The following MARCHF6 variants were observed in gnomAD, a reference collection of about 807,000 sequenced individuals.
MARCHF6 encodes membrane associated ring-CH-type finger 6.
MARCHF6 carries 31 observed loss-of-function variants against 133.7 expected under a neutral mutation model. The observed-to-expected ratio is 0.23, with a 90% CI of 0.17 to 0.31. The LOEUF (loss-of-function observed/expected upper bound fraction) is 0.31, where lower values mean the gene tolerates loss of function less well. Among genes scored for constraint, MARCHF6 ranks in the 10% least tolerant of loss-of-function variants. MARCHF6 has a pLI of 1.00. For synonymous variants in MARCHF6, 395 were observed against 402.5 expected (o/e 0.98, Z 0.22); for missense variants, 723 against 1,121.6 (o/e 0.64, Z 5.08).
chr5:10,400,071 A>T (rs576623808), intron 10 of MARCHF6, among the ~76,000 whole-genome samples: 1 of 152,316 alleles, frequency 6.6e-6, no homozygotes, highest in East Asian at 1.9e-4. Flanking sequence ...AGGAGCTGAG[A>T]TACATGATGT....
intron 1 of MARCHF6, among the ~76,000 whole-genome samples, chr5:10,370,303 A>G (rs990811749): frequency 2.0e-5 from 3 of 151,492 alleles, no homozygotes; most frequent in Admixed American, 1.3e-4. Flanking sequence ...GGGTCTCCCT[A>G]TGTTCCCCAG....
chr5:10,377,362 T>C (rs768702886), intron 1 of MARCHF6, among the ~76,000 whole-genome samples: 1 of 152,196 alleles, frequency 6.6e-6, no homozygotes, highest in Non-Finnish European at 1.5e-5. Context: ...TTCTAACTGC[T>C]GTTATTGTGG....
chr5:10,407,686 G>T (rs1382771409), intron 17 of MARCHF6, among the ~76,000 whole-genome samples: 2 of 152,194 alleles, frequency 1.3e-5, no homozygotes, highest in African/African-American at 2.4e-5. Flanking sequence ...AGGCGTGGTG[G>T]CTCACGCCTG....
At chr5:10,400,290 G>A (rs1288688386) in intron 10 of MARCHF6, among the ~76,000 whole-genome samples, 3 of 152,092 alleles carry the variant, frequency 2.0e-5, no homozygotes, top group East Asian at 1.9e-4. Flanking sequence ...CTGTCTGTCC[G>A]GGGCAAGTAG....
intron 3 of MARCHF6, 132 bp from the exon 4 acceptor site, chr5:10,381,668 A>AT (rs565529009): frequency 3.1e-5 from 21 of 675,398 alleles, no homozygotes; most frequent in East Asian, 1.5e-4. Flanking sequence ...TATTTGGTTT[A>AT]TTTTTTTTAA....
At position 10,386,907 on chromosome 5, in the gene MARCHF6, G is replaced by A. The variant is rs527775448; in HGVS notation, c.335-87G>A. The A allele has an allele frequency of 1.5e-3, 1,422 of 933,480 alleles. 2 individuals are homozygous for A. Among genetic ancestry groups the A allele is most frequent in the Non-Finnish European group, 2.1e-3 (1,164 of 566,876 alleles). The allele number at this position is 933,480 out of a possible 1,614,324, so 57.8% of individuals were successfully genotyped here. ...TGTTTATTTCAGTGGCATTTGTGGC[G>A]TTCCACTTTACCTCTGCTTTCTTGA... On this transcript the variant is annotated intron_variant, in intron 4 of 25. Coordinates refer to ENST00000274140, the MANE Select transcript of MARCHF6 (RefSeq NM_005885.4).
chr5:10,431,653 G>C (rs1011495157), intron 25 of MARCHF6, among the ~76,000 whole-genome samples: 1 of 147,018 alleles, frequency 6.8e-6, no homozygotes, highest in African/African-American at 2.7e-5. Context: ...GTGTGTGTGA[G>C]AGTGTATGTG....
chr5:10,382,510 G>C (rs2126706724), intron 4 of MARCHF6, among the ~76,000 whole-genome samples: 1 of 150,342 alleles, frequency 6.7e-6, no homozygotes, highest in South Asian at 2.1e-4. Flanking sequence ...AATTCTTTTG[G>C]GATTCTGCAA....
intron 5 of MARCHF6, among the ~76,000 whole-genome samples, chr5:10,387,376 C>T (rs1213662800): frequency 6.6e-6 from 1 of 150,492 alleles, no homozygotes. Flanking sequence ...GATCTCGGCT[C>T]ACTGCAACCT....
At chr5:10,428,769 G>A (rs1740223373) in intron 24 of MARCHF6, among the ~76,000 whole-genome samples, 1 of 151,990 alleles carries the variant, frequency 6.6e-6, no homozygotes, top group African/African-American at 2.4e-5. Context: ...CATATATTAT[G>A]TTCTGCCCAT....
chr5:10,354,416 C>T (rs888421601), intron 1 of MARCHF6, among the ~76,000 whole-genome samples: 4 of 152,286 alleles, frequency 2.6e-5, no homozygotes, highest in African/African-American at 9.6e-5. Flanking sequence ...AGTGAGCTGA[C>T]CCCTGTTGAA....
chr5:10,416,447 G>A (rs1285785303), intron 21 of MARCHF6, among the ~76,000 whole-genome samples: 1 of 152,120 alleles, frequency 6.6e-6, no homozygotes, highest in African/African-American at 2.4e-5. Flanking sequence ...GGGTATAATT[G>A]CTATTTAATC....
At chr5:10,367,589 T>G (rs1209499471) in intron 1 of MARCHF6, among the ~76,000 whole-genome samples, 1 of 151,968 alleles carries the variant, frequency 6.6e-6, no homozygotes. Context: ...AAACTTAGAG[T>G]TTTATTTTTT....
At position 10,353,789 on chromosome 5, in the gene MARCHF6, C is replaced by T; in HGVS notation, c.-110C>T. ...CTTCCTCTCGCTTCCTCTCTCGCAC[C>T]TGAGCGTACGCACCTGCCCGGGCCC... is the stretch of plus-strand genomic sequence containing the variant. On this transcript the variant is annotated 5_prime_UTR_variant, in exon 1 of 26. Coordinates refer to ENST00000274140, the MANE Select transcript of MARCHF6 (RefSeq NM_005885.4). 1 of 955,494 alleles carries T rather than the reference C, an allele frequency of 1.0e-6. No homozygotes were observed. The highest frequency in any genetic ancestry group is 1.6e-6 in the Non-Finnish European group (1 of 633,758). The allele number at this position is 955,494 out of a possible 1,614,324, so 59.2% of individuals were successfully genotyped here.
At chr5:10,386,963 G>T in intron 4 of MARCHF6, 31 bp from the exon 5 acceptor site, 1 of 1,579,718 alleles carries the variant, frequency 6.3e-7, no homozygotes, top group South Asian at 1.1e-5. Context: ...TGCGAGTTGT[G>T]ACTGTGTGCC....
intron 14 of MARCHF6, among the ~76,000 whole-genome samples, chr5:10,402,875 G>A (rs1229183483): frequency 6.6e-6 from 1 of 152,144 alleles, no homozygotes; most frequent in African/African-American, 2.4e-5. Context: ...TCGTAAATTT[G>A]TGTAGATAAT....
chr5:10,391,464 T>TTTTTTTC, intron 6 of MARCHF6, 78 bp from the exon 7 acceptor site: 1 of 431,754 alleles, frequency 2.3e-6, no homozygotes, highest in Admixed American at 5.1e-5. Flanking sequence ...TTTTTTTTTT[T>TTTTTTTC]AGCAGGAATA....
chr5:10,357,518 C>G (rs2126633738), intron 1 of MARCHF6, among the ~76,000 whole-genome samples: 1 of 152,244 alleles, frequency 6.6e-6, no homozygotes, highest in African/African-American at 2.4e-5. Context: ...TATGGTTGAT[C>G]ATGTTCTATA....
chr5:10,377,179 C>T (rs1048576963), intron 1 of MARCHF6, among the ~76,000 whole-genome samples: 5 of 152,120 alleles, frequency 3.3e-5, no homozygotes, highest in African/African-American at 4.8e-5. Context: ...GACCCCTTAG[C>T]GCTGTCCCTT....
Sources: gnomAD v4.1 joint callset for allele counts (sites outside exome capture counted in the v4.1 genomes callset) on GRCh38, gnomAD v4.1.1 for gene constraint, MANE v1.5 for transcripts, NCBI Gene and HGNC (gene_info 2026-07-23, HGNC 2026-07-21) for gene names.